Variants in RFWD3 observed in about 807,000 individuals in gnomAD.
RFWD3 encodes ring finger and WD repeat domain 3, also known as E3 ubiquitin-protein ligase RFWD3.
RFWD3 carries 65 observed loss-of-function variants against 87.7 expected under a neutral mutation model. The ratio of observed to expected loss-of-function variants is 0.74; its 90% CI spans 0.61 to 0.91. The LOEUF is 0.91. RFWD3 is among the 40% of genes least tolerant of loss of function. RFWD3 has a pLI of 0.00. For missense variants in RFWD3, 1,078 were observed against 938.5 expected (o/e 1.15, Z -1.94); for synonymous variants, 433 against 352.8 (o/e 1.23, Z -2.55).
chr16:74,641,970 A>T (rs1341915071), intron 6 of RFWD3, among the ~76,000 whole-genome samples: 1 of 151,054 alleles, frequency 6.6e-6, no homozygotes, highest in Non-Finnish European at 1.5e-5. Flanking sequence ...GAAACCAAAA[A>T]CCAAAACAAA....
chr16:74,644,633 C>A lies in RFWD3; in HGVS notation c.895G>T (p.Asp299Tyr). Residue 299 changes from aspartate (D) to tyrosine (Y), a missense_variant, in exon 5 of 13, where the codon GAC becomes TAC. Transcript: ENST00000361070. ...ICLEQWTNAG[D>Y]HRLSALRCGH... ...CAGCGTAATGCTGAGAGCCGGTGGT[C>A]CCCAGCATTGGTCCACTGTTCCAGA... is the stretch of plus-strand genomic sequence containing the variant. 1 of 1,614,124 alleles carries A rather than the reference C, an allele frequency of 6.2e-7. No homozygotes were observed. The highest frequency in any genetic ancestry group is 1.3e-5 in the African/African-American group (1 of 75,038).
intron 8 of RFWD3, among the ~76,000 whole-genome samples, chr16:74,635,982 T>C (rs1959193038): frequency 2.0e-5 from 3 of 152,246 alleles, no homozygotes; most frequent in Admixed American, 6.5e-5. Context: ...TATTAAATTT[T>C]GTTTCACCTT....
At chr16:74,626,688 C>A in intron 11 of RFWD3, 134 bp from the exon 12 acceptor site, 1 of 651,054 alleles carries the variant, frequency 1.5e-6, no homozygotes, top group South Asian at 2.0e-5. Context: ...AGAACAGTTA[C>A]AAAACAAATG....
intron 1 of RFWD3, among the ~76,000 whole-genome samples, chr16:74,663,517 C>A (rs994265085): frequency 3.3e-5 from 5 of 152,096 alleles, no homozygotes; most frequent in African/African-American, 1.2e-4. Flanking sequence ...AGAGGCCAGA[C>A]TGGTGCAGGC....
At chr16:74,637,008 C>T (rs575474720) in intron 7 of RFWD3, among the ~76,000 whole-genome samples, 56 of 151,596 alleles carry the variant, frequency 3.7e-4, no homozygotes, top group African/African-American at 1.2e-3. Flanking sequence ...CCACCGCGCC[C>T]GGCCAGAACT....
intron 3 of RFWD3, among the ~76,000 whole-genome samples, chr16:74,650,494 T>C (rs1364704075): frequency 3.3e-5 from 5 of 152,058 alleles, no homozygotes; most frequent in East Asian, 3.9e-4. Context: ...GATGCTAAGA[T>C]TGACCAATGG....
Position 74,644,368 on chromosome 16 carries a change from A to G in RFWD3, c.1073T>C (p.Met358Thr), listed in dbSNP as rs766549433. The part of the protein sequence containing the change: ...RALDTSEQER[M>T]KSSLLKEQML... The stretch of plus-strand genomic sequence containing the variant: ...GCATACTCTTACCACCTACCTTTTC[A>G]TGCGCTCCTGTTCACTAGTGTCCAA... The change falls in exon 6 of 13, where the codon ATG (methionine) becomes ACG (threonine). Residue 358 changes from methionine to threonine, a missense_variant. Met to Thr is a moderately conservative substitution (Grantham distance 81). Transcript: ENST00000361070. The G allele has an allele frequency of 1.2e-6, 2 of 1,614,016 alleles. No homozygotes were observed. The highest frequency in any genetic ancestry group is 1.1e-5 in the South Asian group (1 of 91,068).
intron 12 of RFWD3, among the ~76,000 whole-genome samples, chr16:74,624,568 T>C (rs544394338): frequency 2.0e-5 from 3 of 152,314 alleles, no homozygotes; most frequent in Non-Finnish European, 4.4e-5. Flanking sequence ...GCTAATTTTC[T>C]TGTATTTTTG....
chr16:74,658,175 C>T (rs1597456176), intron 2 of RFWD3, among the ~76,000 whole-genome samples: 1 of 152,180 alleles, frequency 6.6e-6, no homozygotes, highest in Non-Finnish European at 1.5e-5. Context: ...TCCTTCCCTA[C>T]TCTCTGTAGT....
chr16:74,638,409 G>C (rs1464909944), intron 6 of RFWD3, among the ~76,000 whole-genome samples: 2 of 151,996 alleles, frequency 1.3e-5, no homozygotes, highest in Non-Finnish European at 2.9e-5. Flanking sequence ...TATTAACAAA[G>C]GAAAGACCAA....
At chr16:74,648,735 A>C (rs1960352010) in intron 4 of RFWD3, among the ~76,000 whole-genome samples, 1 of 151,396 alleles carries the variant, frequency 6.6e-6, no homozygotes, top group South Asian at 2.1e-4. Context: ...AGATCGCACC[A>C]CCGCACTCCA....
At chr16:74,653,690 G>A (rs137973735) in intron 2 of RFWD3, among the ~76,000 whole-genome samples, 47 of 152,198 alleles carry the variant, frequency 3.1e-4, no homozygotes, top group African/African-American at 1.1e-3. Flanking sequence ...AAGTATTACT[G>A]ACAGGTGACC....
chr16:74,661,269 T>C lies in RFWD3; in HGVS notation c.181A>G (p.Ile61Val), dbSNP rs1433703349. 15 of 1,613,976 alleles carry C rather than the reference T, an allele frequency of 9.3e-6. No homozygotes were observed. Among genetic ancestry groups the C allele is most frequent in the South Asian group, 1.1e-5 (1 of 91,080 alleles). The change falls in exon 2 of 13, where the codon ATC becomes GTC. Residue 61 changes from isoleucine (I) to valine (V), a missense_variant. Physicochemically the swap from Ile to Val is conservative, Grantham distance 29. Transcript: ENST00000361070. ...SILQPAPAEV[I>V]SSQATPPLLQ... Reference sequence around the variant, plus strand: ...AGGGGTGGTGTCGCTTGGCTGCTGATCACCTCAGCAGGAGCTGGCTGGAGG... The same window carrying C: ...AGGGGTGGTGTCGCTTGGCTGCTGACCACCTCAGCAGGAGCTGGCTGGAGG...
intron 2 of RFWD3, among the ~76,000 whole-genome samples, chr16:74,654,132 A>T (rs917094235): frequency 6.6e-6 from 1 of 152,110 alleles, no homozygotes; most frequent in Non-Finnish European, 1.5e-5. Flanking sequence ...ATCCACAAGC[A>T]GTCATTTCCC....
At chr16:74,657,693 C>G (rs528184434) in intron 2 of RFWD3, among the ~76,000 whole-genome samples, 1 of 152,128 alleles carries the variant, frequency 6.6e-6, no homozygotes, top group African/African-American at 2.4e-5. Flanking sequence ...AGGCTGGTCT[C>G]GAACTCGTGA....
chr16:74,661,084 G>C lies in RFWD3; in HGVS notation c.366C>G (p.Asn122Lys), dbSNP rs1490176723. The stretch of plus-strand genomic sequence containing the variant: ...GAAGTCTCTGCAGTCCGCTGATGAA[G>C]TTGGTCATTGAATGCAACGAAGATG... ...IPASSLHSMT[N>K]FISGLQRLHG... Residue 122 changes from asparagine (N) to lysine (K), a missense_variant, in exon 2 of 13, where the codon AAC becomes AAG. Physicochemically the swap from Asn to Lys is moderately conservative, Grantham distance 94. Coordinates refer to ENST00000361070, the MANE Select transcript of RFWD3 (RefSeq NM_018124.4). 1.9e-6 allele frequency: 3 copies of C among 1,614,108 alleles called. No homozygotes were observed. Among genetic ancestry groups the C allele is most frequent in the Non-Finnish European group, 2.5e-6 (3 of 1,180,046 alleles).
chr16:74,626,511 G>T lies in RFWD3; in HGVS notation c.2013C>A (p.Ser671=), dbSNP rs754278440. 2 of 1,614,130 alleles carry T rather than the reference G, an allele frequency of 1.2e-6. No homozygotes were observed. The highest frequency in any genetic ancestry group is 2.2e-5 in the East Asian group (1 of 44,880). The change falls in exon 12 of 13, where the codon TCC becomes TCA. Residue 671 remains serine, a synonymous_variant. Coordinates refer to ENST00000361070, the MANE Select transcript of RFWD3 (RefSeq NM_018124.4). ...GATTTCCAGTGTCATCCAGTCGGTA[G>T]GACATTTCCATCAGCACACTTCGTA... ...TTIRSVLMEM[S]YRLDDTGNPI... is the part of the protein sequence containing the mutation.
At chr16:74,643,621 G>C (rs1198605919) in intron 6 of RFWD3, among the ~76,000 whole-genome samples, 1 of 141,698 alleles carries the variant, frequency 7.1e-6, no homozygotes, top group Admixed American at 7.0e-5. Flanking sequence ...TGGTGTGTAT[G>C]TTCTTTAATA....
chr16:74,665,567 G>C (rs1961816685), intron 1 of RFWD3, among the ~76,000 whole-genome samples: 1 of 151,500 alleles, frequency 6.6e-6, no homozygotes, highest in Non-Finnish European at 1.5e-5. Context: ...AACAAAGCGA[G>C]ACTCTATCTC....
Sources: allele counts gnomAD v4.1 joint callset (sites outside exome capture counted in the v4.1 genomes callset), GRCh38; gene constraint gnomAD v4.1.1; transcripts MANE v1.5; gene names NCBI Gene and HGNC (gene_info 2026-07-23, HGNC 2026-07-21).